LPCAT2: variants seen among roughly 807,000 people sequenced by gnomAD.
LPCAT2 encodes the protein lysophosphatidylcholine acyltransferase 2, also known as 1-AGP acyltransferase 11.
LPCAT2 carries 58 observed loss-of-function variants against 64.7 expected under a neutral mutation model. The ratio of observed to expected loss-of-function variants is 0.90; its 90% CI spans 0.73 to 1.12. The LOEUF (loss-of-function observed/expected upper bound fraction) is 1.12. Among genes scored for constraint, LPCAT2 ranks in the 50% most tolerant of loss-of-function variants. The probability of loss-of-function intolerance (pLI) is 0.00; values close to 1 mark genes in which losing one functional copy is unlikely to be tolerated. For synonymous variants in LPCAT2, 252 were observed against 245.3 expected, an observed-to-expected ratio of 1.03 and a Z score of -0.26; for missense variants, 579 against 669.8, an observed-to-expected ratio of 0.86 and a Z score of 1.50.
intron 8 of LPCAT2, among the ~76,000 whole-genome samples, chr16:55,544,777 C>G (rs1373775944): frequency 2.6e-5 from 4 of 152,124 alleles, no homozygotes; most frequent in African/African-American, 9.7e-5. Flanking sequence ...CTCTTGCTCT[C>G]ATACTCCAGG....
chr16:55,516,597 A>T (rs1372572037), intron 1 of LPCAT2, among the ~76,000 whole-genome samples: 2 of 152,218 alleles, frequency 1.3e-5, no homozygotes, highest in Non-Finnish European at 2.9e-5. Flanking sequence ...ATTAAGATGT[A>T]ATAATTATAA....
intron 11 of LPCAT2, among the ~76,000 whole-genome samples, chr16:55,568,323 A>C (rs1963730888): frequency 6.6e-6 from 1 of 152,224 alleles, no homozygotes; most frequent in Non-Finnish European, 1.5e-5. Flanking sequence ...GACGTTAGCC[A>C]GCTCTTGTCG....
At chr16:55,537,206 T>G (rs1963334283) in intron 7 of LPCAT2, among the ~76,000 whole-genome samples, 1 of 152,044 alleles carries the variant, frequency 6.6e-6, no homozygotes, top group Non-Finnish European at 1.5e-5. Context: ...ATTTGATGAT[T>G]TAACTTTTGA....
intron 13 of LPCAT2, 101 bp downstream of exon 13, chr16:55,579,345 T>A (rs1963864809): frequency 8.7e-6 from 9 of 1,039,394 alleles, no homozygotes; most frequent in Non-Finnish European, 1.2e-5. Context: ...ATTACATTAA[T>A]AATAGACATA....
chr16:55,551,103 G>A lies in LPCAT2; in HGVS notation c.1215+1G>A, dbSNP rs1162710528. 6.2e-7 allele frequency: 1 copy of A among 1,603,538 alleles called. No individual in the cohort carries two copies. The highest frequency in any genetic ancestry group is 1.1e-5 in the South Asian group (1 of 89,858). On this transcript the variant is annotated splice_donor_variant, in intron 11 of 13. Coordinates refer to ENST00000262134, the MANE Select transcript of LPCAT2 (RefSeq NM_017839.5). LOFTEE classifies it high-confidence loss of function. ...ACAACTTTTTGCACTCTTTGACAGG[G>A]TATGTTAAAATTTAATCTTTCACAT... is the stretch of plus-strand genomic sequence containing the variant.
intron 13 of LPCAT2, among the ~76,000 whole-genome samples, chr16:55,581,629 A>G (rs1963887366): frequency 6.6e-6 from 1 of 152,210 alleles, no homozygotes; most frequent in African/African-American, 2.4e-5. Flanking sequence ...TGCTTATCAG[A>G]GGATTTTTTA....
chr16:55,531,009 A>G (rs1481866705), intron 4 of LPCAT2, among the ~76,000 whole-genome samples: 1 of 152,132 alleles, frequency 6.6e-6, no homozygotes, highest in Non-Finnish European at 1.5e-5. Flanking sequence ...ATACCCATTA[A>G]TCGTTAGTAG....
chr16:55,551,775 A>G (rs1404684629), intron 11 of LPCAT2, among the ~76,000 whole-genome samples: 3 of 152,164 alleles, frequency 2.0e-5, no homozygotes. Context: ...GTGTTTTAAT[A>G]TATAAAATTG....
intron 9 of LPCAT2, among the ~76,000 whole-genome samples, chr16:55,546,358 C>T (rs1398138838): frequency 1.3e-5 from 2 of 152,132 alleles, no homozygotes; most frequent in Non-Finnish European, 2.9e-5. Flanking sequence ...ATAAATCACC[C>T]CCTATCTTGT....
chr16:55,549,292 A>G lies in LPCAT2; in HGVS notation c.951A>G (p.Pro317=), dbSNP rs1229450796. ...ATACTTTTAGAGCTCTGGGAATACC[A>G]GTAACAGATCATACCTATGAAGACT... ...RNLMAEALGI[P]VTDHTYEDCR... is the part of the protein sequence containing the mutation. The change falls in exon 10 of 14, where the codon CCA becomes CCG. Residue 317 remains proline (P), a synonymous_variant. Transcript: ENST00000262134. 39 of 1,578,268 alleles carry G rather than the reference A, an allele frequency of 2.5e-5. No individual in the cohort carries two copies. The highest frequency in any genetic ancestry group is 3.3e-5 in the Non-Finnish European group (38 of 1,167,124).
chr16:55,572,773 G>A (rs1295134094), intron 11 of LPCAT2, among the ~76,000 whole-genome samples: 1 of 152,114 alleles, frequency 6.6e-6, no homozygotes, highest in Non-Finnish European at 1.5e-5. Flanking sequence ...GTGCGCTTAT[G>A]GTCATGCCTA....
chr16:55,556,178 A>G (rs1348298397), intron 11 of LPCAT2, among the ~76,000 whole-genome samples: 4 of 152,146 alleles, frequency 2.6e-5, no homozygotes, highest in Non-Finnish European at 5.9e-5. Flanking sequence ...TACTTGTATG[A>G]TTACTAATAT....
In LPCAT2 at chr16:55,583,260, C is replaced by A; in HGVS notation, c.*162C>A. On this transcript the variant is annotated 3_prime_UTR_variant, in exon 14 of 14. Coordinates refer to ENST00000262134, the MANE Select transcript of LPCAT2 (RefSeq NM_017839.5). ...ACTAAAAATGTTTTTATTAACCTTG[C>A]TTTTATTGGAAAAAATCAAGCAATA... 1.7e-6 allele frequency: 1 copy of A among 601,310 alleles called. No individual in the cohort carries two copies. The highest frequency in any genetic ancestry group is 2.7e-6 in the Non-Finnish European group (1 of 364,272). The allele number at this position is 601,310 out of a possible 1,614,324, so 37.2% of individuals were successfully genotyped here.
rs561991221 is a variant in LPCAT2 at position 55,551,686 on chromosome 16, A to G, written c.1215+584A>G. ...TTGCTGCTTATGAATATTTAAGGAC[A>G]TGCAATTAGATAATTGAACTGTCAA... On this transcript the variant is annotated intron_variant, in intron 11 of 13. Coordinates refer to ENST00000262134, the MANE Select transcript of LPCAT2 (RefSeq NM_017839.5). 3.9e-5 allele frequency among the ~76,000 whole-genome samples: 6 copies of G among 152,364 alleles called. No homozygotes were observed. In the South Asian group the frequency reaches 1.0e-3, roughly 26 times the overall value.
intron 8 of LPCAT2, among the ~76,000 whole-genome samples, chr16:55,544,350 A>G (rs1168873960): frequency 2.6e-5 from 4 of 152,178 alleles, no homozygotes; most frequent in Non-Finnish European, 4.4e-5. Context: ...AGCCCCTAAT[A>G]TAAAATACCC....
intron 9 of LPCAT2, among the ~76,000 whole-genome samples, chr16:55,549,052 A>T (rs1963484650): frequency 6.6e-6 from 1 of 152,202 alleles, no homozygotes; most frequent in Non-Finnish European, 1.5e-5. Context: ...TATCAGCTAC[A>T]CATACAGAAG....
At chr16:55,561,771 G>A (rs1197176212) in intron 11 of LPCAT2, among the ~76,000 whole-genome samples, 4 of 151,964 alleles carry the variant, frequency 2.6e-5, no homozygotes, top group South Asian at 2.1e-4. Context: ...TTCCCTAAAA[G>A]GAAGAGAGTT....
rs148757919 is a variant in LPCAT2, at chr16:55,530,539, A to G, written c.642+592A>G. On this transcript the variant is annotated intron_variant, in intron 4 of 13. Coordinates refer to ENST00000262134, the MANE Select transcript of LPCAT2 (RefSeq NM_017839.5). Reference sequence around the variant, plus strand: ...GCAAAATAAGCCAAGGGTGATTCTAATAGTCACTCCTTTATCTTTGCCCAG... The same window carrying G: ...GCAAAATAAGCCAAGGGTGATTCTAGTAGTCACTCCTTTATCTTTGCCCAG... 2.6e-4 allele frequency among the ~76,000 whole-genome samples: 39 copies of G among 152,204 alleles called. No individual in the cohort carries two copies. The East Asian group carries it at 7.3e-3, about 29-fold the overall frequency.
chr16:55,530,495 G>A (rs1026839833), intron 4 of LPCAT2, among the ~76,000 whole-genome samples: 1 of 148,294 alleles, frequency 6.7e-6, no homozygotes, highest in Non-Finnish European at 1.5e-5. Flanking sequence ...GCGGGGGTGG[G>A]GGGGGGGTAA....
Sources: gnomAD v4.1 joint callset for allele counts (sites outside exome capture counted in the v4.1 genomes callset) on GRCh38, gnomAD v4.1.1 for gene constraint, MANE v1.5 for transcripts, NCBI Gene and HGNC (gene_info 2026-07-23, HGNC 2026-07-21) for gene names.